BTBD9: variants seen among roughly 807,000 people sequenced by gnomAD.
The protein encoded by BTBD9 is BTB/POZ domain-containing protein 9.
Under a neutral mutation model 64.3 loss-of-function variants are expected in BTBD9, and 49 were observed. The ratio of observed to expected loss-of-function variants is 0.76; its 90% CI spans 0.61 to 0.97. The LOEUF is 0.97. Among genes scored for constraint, BTBD9 ranks in the 50% least tolerant of loss-of-function variants. The pLI is 0.00. For missense variants in BTBD9, 598 were observed against 762.1 expected, an observed-to-expected ratio of 0.78 and a Z score of 2.53; for synonymous variants, 260 against 274.7, an observed-to-expected ratio of 0.95 and a Z score of 0.53.
At chr6:38,302,074 A>C (rs890806080) in intron 7 of BTBD9, among the ~76,000 whole-genome samples, 4 of 152,190 alleles carry the variant, frequency 2.6e-5, no homozygotes, top group African/African-American at 9.6e-5. Context: ...TGTAAAAATC[A>C]AATCAGCATC....
intron 9 of BTBD9, among the ~76,000 whole-genome samples, chr6:38,238,771 C>A (rs1232010129): frequency 6.6e-6 from 1 of 152,108 alleles, no homozygotes; most frequent in Non-Finnish European, 1.5e-5. Context: ...CCGCGCCTGG[C>A]CGAGACCAAT....
intron 7 of BTBD9, among the ~76,000 whole-genome samples, chr6:38,303,874 T>TATATATAC (rs368257334): frequency 0.042 from 3,413 of 81,820 alleles, 122 homozygotes; most frequent in Non-Finnish European, 0.059. Flanking sequence ...TATATATATA[T>TATATATAC]ACACACACAC....
chr6:38,382,324 A>G (rs1285425989), intron 6 of BTBD9, among the ~76,000 whole-genome samples: 2 of 152,120 alleles, frequency 1.3e-5, no homozygotes, highest in South Asian at 2.1e-4. Context: ...TAGCTCCCTT[A>G]AGGACCAGCT....
chr6:38,280,685 A>C (rs969855030), intron 8 of BTBD9, among the ~76,000 whole-genome samples: 25 of 152,224 alleles, frequency 1.6e-4, no homozygotes, highest in African/African-American at 5.8e-4. Flanking sequence ...CAAGTGAGGC[A>C]AGCATTTTTA....
chr6:38,517,877 CT>C (rs1773108444), intron 6 of BTBD9, among the ~76,000 whole-genome samples: 1 of 152,296 alleles, frequency 6.6e-6, no homozygotes, highest in East Asian at 1.9e-4. Flanking sequence ...ACCTGCAACC[CT>C]CCAAGAAAGC....
chr6:38,258,683 G>C (rs1400022735), intron 8 of BTBD9, among the ~76,000 whole-genome samples: 1 of 152,208 alleles, frequency 6.6e-6, no homozygotes, highest in African/African-American at 2.4e-5. Context: ...GAGATCTGGA[G>C]ATTGAGACCA....
chr6:38,206,324 AC>A (rs908578921), intron 9 of BTBD9, among the ~76,000 whole-genome samples: 1 of 151,560 alleles, frequency 6.6e-6, no homozygotes, highest in African/African-American at 2.4e-5. Flanking sequence ...GGAGGCTTGA[AC>A]CCACCTCCCG....
At chr6:38,365,382 C>T (rs771753329) in intron 6 of BTBD9, among the ~76,000 whole-genome samples, 8 of 151,896 alleles carry the variant, frequency 5.3e-5, no homozygotes, top group East Asian at 1.9e-4. Context: ...TAAAAATAAC[C>T]GGAGGAAAAA....
At chr6:38,410,607 T>C (rs1447801987) in intron 6 of BTBD9, among the ~76,000 whole-genome samples, 2 of 152,216 alleles carry the variant, frequency 1.3e-5, no homozygotes, top group Non-Finnish European at 2.9e-5. Flanking sequence ...AAAATAACTT[T>C]CATTGATAAG....
At chr6:38,523,705 A>G (rs1414280084) in intron 6 of BTBD9, among the ~76,000 whole-genome samples, 1 of 152,232 alleles carries the variant, frequency 6.6e-6, no homozygotes, top group Non-Finnish European at 1.5e-5. Flanking sequence ...CATTATCATT[A>G]GCAGGCACTG....
chr6:38,590,107 T>C (rs903118391), intron 4 of BTBD9, among the ~76,000 whole-genome samples: 1 of 152,216 alleles, frequency 6.6e-6, no homozygotes, highest in African/African-American at 2.4e-5. Flanking sequence ...TTACCCATTA[T>C]ATGCTATTTG....
intron 7 of BTBD9, among the ~76,000 whole-genome samples, chr6:38,311,987 G>A (rs1194461117): frequency 8.5e-5 from 13 of 152,140 alleles, no homozygotes; most frequent in Admixed American, 7.2e-4. Flanking sequence ...TCAGCCTCCT[G>A]AGTAGCTGGG....
chr6:38,194,897 C>T (rs907867925), intron 9 of BTBD9, among the ~76,000 whole-genome samples: 9 of 151,040 alleles, frequency 6.0e-5, no homozygotes, highest in South Asian at 2.1e-4. Context: ...GCAGTCTGAG[C>T]GGGAGGGAAC....
At chr6:38,312,380 C>A (rs1762871005) in intron 7 of BTBD9, among the ~76,000 whole-genome samples, 1 of 152,062 alleles carries the variant, frequency 6.6e-6, no homozygotes, top group Non-Finnish European at 1.5e-5. Context: ...CTAATTGTTT[C>A]TTTTGCTGTG....
intron 6 of BTBD9, among the ~76,000 whole-genome samples, chr6:38,414,044 G>A (rs1767555673): frequency 6.6e-6 from 1 of 152,048 alleles, no homozygotes; most frequent in Non-Finnish European, 1.5e-5. Context: ...GCAGCTATAT[G>A]CTCATTTAAC....
At chr6:38,346,724 G>A (rs1027302200) in intron 6 of BTBD9, among the ~76,000 whole-genome samples, 19 of 152,150 alleles carry the variant, frequency 1.2e-4, no homozygotes, top group East Asian at 1.9e-4. Flanking sequence ...GTGCTTTCTG[G>A]AAGGGAAGGG....
intron 9 of BTBD9, among the ~76,000 whole-genome samples, chr6:38,242,522 T>C (rs1406260324): frequency 1.3e-5 from 2 of 152,206 alleles, no homozygotes; most frequent in Non-Finnish European, 2.9e-5. Flanking sequence ...AAGGTACTTC[T>C]ACCAGTTACA....
chr6:38,475,118 A>C (rs184213230), intron 6 of BTBD9, among the ~76,000 whole-genome samples: 1 of 152,328 alleles, frequency 6.6e-6, no homozygotes, highest in East Asian at 1.9e-4. Flanking sequence ...AGCAGAATAT[A>C]AAACATACAT....
At chr6:38,523,079 A>G (rs940117592) in intron 6 of BTBD9, among the ~76,000 whole-genome samples, 1 of 152,178 alleles carries the variant, frequency 6.6e-6, no homozygotes, top group African/African-American at 2.4e-5. Context: ...GCTACTCAGG[A>G]GGCTGAGGAA....
Sources: gnomAD v4.1 joint callset for allele counts (sites outside exome capture counted in the v4.1 genomes callset) on GRCh38, gnomAD v4.1.1 for gene constraint, MANE v1.5 for transcripts, NCBI Gene and HGNC (gene_info 2026-07-23, HGNC 2026-07-21) for gene names.